PPP1R9A: variants seen among roughly 807,000 people sequenced by gnomAD.
PPP1R9A encodes protein phosphatase 1 regulatory subunit 9A.
A neutral mutation model predicts 141.9 loss-of-function variants in PPP1R9A; 59 were observed. That is an observed-to-expected ratio of 0.42 (90% confidence interval 0.34 to 0.52). The LOEUF (loss-of-function observed/expected upper bound fraction) is 0.52. Ranked by LOEUF, PPP1R9A falls within the 20% of genes least tolerant of loss-of-function variation. PPP1R9A has a pLI of 0.10. For missense variants in PPP1R9A, 1,444 were observed against 1,611.9 expected (o/e 0.90, Z 1.78); for synonymous variants, 500 against 569.7 (o/e 0.88, Z 1.74).
intron 16 of PPP1R9A, among the ~76,000 whole-genome samples, chr7:95,275,907 A>T (rs911232999): frequency 6.6e-6 from 1 of 152,242 alleles, no homozygotes; most frequent in African/African-American, 2.4e-5. Context: ...GGAAAAGGGT[A>T]GAATGCTCTC....
At chr7:95,286,111 A>G (rs2115851242) in intron 17 of PPP1R9A, 95 bp from the exon 18 acceptor site, 1 of 1,512,362 alleles carries the variant, frequency 6.6e-7, no homozygotes, top group East Asian at 2.3e-5. Flanking sequence ...TTCTGCTAAG[A>G]TTGTTTAAAA....
chr7:95,181,844 C>G (rs1259251438), intron 5 of PPP1R9A, among the ~76,000 whole-genome samples: 2 of 148,020 alleles, frequency 1.4e-5, no homozygotes, highest in Non-Finnish European at 3.0e-5. Flanking sequence ...GAATACTACT[C>G]AACCATATAA....
chr7:95,036,718 G>C (rs1460008249), intron 2 of PPP1R9A: 3 of 152,188 alleles, frequency 2.0e-5, no homozygotes, highest in Non-Finnish European at 2.9e-5. Flanking sequence ...CTTCGCTTCT[G>C]TGTTCATTAT....
chr7:95,243,669 A>G (rs1797754888), intron 8 of PPP1R9A, among the ~76,000 whole-genome samples: 1 of 152,122 alleles, frequency 6.6e-6, no homozygotes, highest in South Asian at 2.1e-4. Context: ...AGGTAGGAAG[A>G]GTCAAATCTG....
chr7:95,228,564 C>T (rs1176830602), intron 8 of PPP1R9A, among the ~76,000 whole-genome samples: 2 of 152,154 alleles, frequency 1.3e-5, no homozygotes, highest in Non-Finnish European at 2.9e-5. Context: ...TCTCATTTTT[C>T]TTCAGTGCAA....
chr7:95,123,529 A>T (rs1823004484), intron 4 of PPP1R9A, among the ~76,000 whole-genome samples: 1 of 152,118 alleles, frequency 6.6e-6, no homozygotes, highest in South Asian at 2.1e-4. Flanking sequence ...GGCGCCTCTA[A>T]TCCCAGCTAC....
At chr7:95,272,013 C>T (rs1802257732) in intron 14 of PPP1R9A, among the ~76,000 whole-genome samples, 2 of 152,112 alleles carry the variant, frequency 1.3e-5, no homozygotes, top group African/African-American at 4.8e-5. Context: ...TTCAGTGTTC[C>T]TGGGAACGCA....
At chr7:94,980,108 G>A (rs749363941) in intron 2 of PPP1R9A, among the ~76,000 whole-genome samples, 1 of 151,112 alleles carries the variant, frequency 6.6e-6, no homozygotes, top group Non-Finnish European at 1.5e-5. Flanking sequence ...CCAATCTTTT[G>A]GCTTCCCTGG....
chr7:95,097,093 C>T (rs1450380130), intron 2 of PPP1R9A, among the ~76,000 whole-genome samples: 2 of 151,908 alleles, frequency 1.3e-5, no homozygotes, highest in African/African-American at 4.8e-5. Flanking sequence ...GTGGTGCGAT[C>T]TTGTCTTACT....
At chr7:95,141,629 G>A (rs1481227895) in intron 4 of PPP1R9A, among the ~76,000 whole-genome samples, 1 of 113,920 alleles carries the variant, frequency 8.8e-6, no homozygotes, top group Non-Finnish European at 1.8e-5. Flanking sequence ...GTGGTCTTTT[G>A]TGACTGGCTT....
chr7:95,087,635 G>A lies in PPP1R9A; in HGVS notation c.1396-23624G>A, dbSNP rs868103544. Among the ~76,000 whole-genome samples, 17 of 152,168 alleles carry A rather than the reference G, an allele frequency of 1.1e-4. 1 individual carries two copies. The South Asian group carries it at 1.4e-3, about 13-fold the overall frequency. ...CATGGGCCGGGTGCCGCTGGCTCACGCCTTTAATCCCAGCACTTTGGGAGG... is the reference window on the plus strand; with the variant it reads ...CATGGGCCGGGTGCCGCTGGCTCACACCTTTAATCCCAGCACTTTGGGAGG... On this transcript the variant is annotated intron_variant, in intron 2 of 19. Coordinates refer to ENST00000433360, the MANE Select transcript of PPP1R9A (RefSeq NM_001166160.2).
intron 5 of PPP1R9A, among the ~76,000 whole-genome samples, chr7:95,171,355 C>T (rs555056261): frequency 3.3e-5 from 5 of 151,566 alleles, no homozygotes; most frequent in South Asian, 4.2e-4. Context: ...AAATGTGTCA[C>T]GCTAGCATTA....
At chr7:95,239,595 T>C (rs933308235) in intron 8 of PPP1R9A, among the ~76,000 whole-genome samples, 1 of 152,022 alleles carries the variant, frequency 6.6e-6, no homozygotes, top group African/African-American at 2.4e-5. Context: ...AATATTGGAA[T>C]CTGTATTTTT....
chr7:95,009,499 G>A (rs1448158815), intron 2 of PPP1R9A, among the ~76,000 whole-genome samples: 1 of 152,084 alleles, frequency 6.6e-6, no homozygotes, highest in Non-Finnish European at 1.5e-5. Flanking sequence ...GCTTTGATTA[G>A]CACTTCTCTA....
At chr7:95,066,456 G>A (rs1812960917) in intron 2 of PPP1R9A, among the ~76,000 whole-genome samples, 2 of 152,094 alleles carry the variant, frequency 1.3e-5, no homozygotes, top group South Asian at 4.1e-4. Context: ...AAGGAAAAAT[G>A]GGAGTAGAAG....
intron 3 of PPP1R9A, among the ~76,000 whole-genome samples, chr7:95,112,068 G>A (rs1233536815): frequency 3.3e-5 from 5 of 151,402 alleles, no homozygotes; most frequent in Admixed American, 3.3e-4. Context: ...ACAAACAGAT[G>A]ATGACTTGAA....
chr7:95,140,974 C>T (rs1826571663), intron 4 of PPP1R9A, among the ~76,000 whole-genome samples: 1 of 152,142 alleles, frequency 6.6e-6, no homozygotes, highest in Admixed American at 6.6e-5. Context: ...CCTGCCCTGC[C>T]CTCCCAAAGT....
intron 5 of PPP1R9A, among the ~76,000 whole-genome samples, chr7:95,184,208 C>T (rs1834298911): frequency 6.6e-6 from 1 of 152,086 alleles, no homozygotes; most frequent in South Asian, 2.1e-4. Flanking sequence ...AGAGAAAAGC[C>T]ATTTAATATA....
At chr7:95,279,119 C>T (rs1803692696) in intron 16 of PPP1R9A, among the ~76,000 whole-genome samples, 1 of 152,140 alleles carries the variant, frequency 6.6e-6, no homozygotes. Context: ...CCAAGGATGA[C>T]TTTTGTTATA....
Sources: allele counts gnomAD v4.1 joint callset (sites outside exome capture counted in the v4.1 genomes callset), GRCh38; gene constraint gnomAD v4.1.1; transcripts MANE v1.5; gene names NCBI Gene and HGNC (gene_info 2026-07-23, HGNC 2026-07-21).